The following ENOX2 variants were observed in gnomAD, a reference collection of about 807,000 sequenced individuals.
ENOX2 encodes ecto-NOX disulfide-thiol exchanger 2, also known as APK1 antigen.
A neutral mutation model predicts 45.0 loss-of-function variants in ENOX2; 36 were observed. That is an observed-to-expected ratio of 0.80 (90% CI 0.61 to 1.06). ENOX2 has a LOEUF of 1.06. Ranked by LOEUF, ENOX2 falls within the 50% of genes least tolerant of loss-of-function variation. ENOX2 has a pLI of 0.00. For missense variants in ENOX2, 423 were observed against 462.5 expected, an observed-to-expected ratio of 0.91 and a Z score of 0.78; for synonymous variants, 174 against 152.3, an observed-to-expected ratio of 1.14 and a Z score of -1.05.
chrX:130,892,469 T>G (rs1254836216), intron 2 of ENOX2, among the ~76,000 whole-genome samples: 1 of 112,306 alleles, frequency 8.9e-6, no homozygotes, highest in Non-Finnish European at 1.9e-5. Context: ...GACATCCTGC[T>G]TTCCCCCAAT....
At chrX:130,785,147 G>C (rs977077006) in intron 2 of ENOX2, among the ~76,000 whole-genome samples, 1 of 108,108 alleles carries the variant, frequency 9.3e-6, no homozygotes, top group African/African-American at 3.4e-5. Flanking sequence ...CCAACATGGA[G>C]AAACCCCGTC....
chrX:130,668,669 A>G (rs979443068), intron 7 of ENOX2, among the ~76,000 whole-genome samples: 2 of 111,560 alleles, frequency 1.8e-5, no homozygotes, highest in African/African-American at 6.5e-5. Context: ...CTGGCTAGAA[A>G]CCCTTATGTT....
At chrX:130,759,584 A>AG (rs2039430172) in intron 3 of ENOX2, among the ~76,000 whole-genome samples, 1 of 104,046 alleles carries the variant, frequency 9.6e-6, no homozygotes, top group East Asian at 3.0e-4. Context: ...TACCAAAAAA[A>AG]AAAAAAAAAA....
At chrX:130,740,675 A>G (rs1340121764) in intron 3 of ENOX2, among the ~76,000 whole-genome samples, 1 of 111,914 alleles carries the variant, frequency 8.9e-6, no homozygotes, top group Admixed American at 9.5e-5. Context: ...GAGGTTGCAT[A>G]TCTGTGAGGA....
intron 3 of ENOX2, among the ~76,000 whole-genome samples, chrX:130,711,712 C>A (rs1262915274): frequency 9.0e-6 from 1 of 111,441 alleles, no homozygotes; most frequent in Non-Finnish European, 1.9e-5. Flanking sequence ...CTCAGCATAG[C>A]GGGTGCTTTC....
Position 130,667,688 on chromosome X carries a change from C to T in ENOX2, c.749G>A (p.Gly250Glu). ...ATTGGCGCTACGACGGTTGACCTCT[C>T]CTCGCTCTATCCAGGTAAGCAAGGT... ...VQTLLTWIER[G>E]EVNRRSANNF... The change falls in exon 8 of 15, where the codon GGA becomes GAA. Residue 250 changes from glycine (G) to glutamate (E), a missense_variant. Physicochemically the swap from Gly to Glu is moderately conservative, Grantham distance 98. This residue lies in a region of ENOX2 where 261 missense variants were observed against 306.8 expected (regional missense o/e 0.85). Coordinates refer to ENST00000394363, the MANE Select transcript of ENOX2 (RefSeq NM_006375.4). 8.3e-7 allele frequency: 1 copy of T among 1,211,078 alleles called. No homozygotes were observed. Among genetic ancestry groups the T allele is most frequent in the Non-Finnish European group, 1.1e-6 (1 of 894,766 alleles).
At position 130,834,974 on chromosome X, in the gene ENOX2, A is replaced by G. The variant is rs1187991897; in HGVS notation, c.-182-51284T>C. ...CATAGAGAAACACTAATATAATTCA[A>G]TATAGTTTATAAAACCATCCCTGCC... On this transcript the variant is annotated intron_variant, in intron 2 of 14. Coordinates refer to ENST00000394363, the MANE Select transcript of ENOX2 (RefSeq NM_006375.4). Among the ~76,000 whole-genome samples the G allele has an allele frequency of 2.7e-5, 3 of 111,648 alleles. No individual in the cohort carries two copies. The East Asian group carries it at 8.5e-4, about 31-fold the overall frequency.
At chrX:130,828,278 G>T (rs774605597) in intron 2 of ENOX2, among the ~76,000 whole-genome samples, 1 of 111,684 alleles carries the variant, frequency 9.0e-6, no homozygotes. Flanking sequence ...CACATACAAG[G>T]GGAAATTAGG....
At chrX:130,761,845 G>A (rs1395471470) in intron 3 of ENOX2, among the ~76,000 whole-genome samples, 3 of 111,246 alleles carry the variant, frequency 2.7e-5, no homozygotes, top group African/African-American at 9.8e-5. Flanking sequence ...TCCAACACTG[G>A]GGATTACATT....
At chrX:130,902,154 C>A (rs1313808264) in intron 1 of ENOX2, among the ~76,000 whole-genome samples, 1 of 111,435 alleles carries the variant, frequency 9.0e-6, no homozygotes, top group Admixed American at 9.5e-5. Context: ...TCCACTGACC[C>A]CTCTTAGCGT....
intron 2 of ENOX2, among the ~76,000 whole-genome samples, chrX:130,846,665 T>C (rs370860864): frequency 3.1e-4 from 35 of 112,856 alleles, no homozygotes; most frequent in Admixed American, 1.7e-3. Context: ...TAAGCTAACA[T>C]TGTACATGCA....
At chrX:130,820,933 C>G (rs1272802443) in intron 2 of ENOX2, among the ~76,000 whole-genome samples, 1 of 111,881 alleles carries the variant, frequency 8.9e-6, no homozygotes, top group Admixed American at 9.5e-5. Context: ...TCTTGAAAAT[C>G]ACTAAGAGAG....
intron 3 of ENOX2, among the ~76,000 whole-genome samples, chrX:130,762,612 C>G (rs970733551): frequency 9.0e-6 from 1 of 111,643 alleles, no homozygotes; most frequent in African/African-American, 3.3e-5. Context: ...TTGCTTTGAC[C>G]CATGGTTTAT....
intron 2 of ENOX2, among the ~76,000 whole-genome samples, chrX:130,831,146 C>A (rs1206910877): frequency 3.6e-5 from 4 of 110,813 alleles, no homozygotes; most frequent in Non-Finnish European, 7.6e-5. Context: ...GTGGCACTAA[C>A]TCATTCATGA....
At chrX:130,816,155 C>G (rs1340045052) in intron 2 of ENOX2, among the ~76,000 whole-genome samples, 1 of 111,513 alleles carries the variant, frequency 9.0e-6, no homozygotes, top group South Asian at 3.7e-4. Context: ...CCAACAAAGA[C>G]CAAAAAAGAC....
chrX:130,862,860 G>T (rs774394033), intron 2 of ENOX2, among the ~76,000 whole-genome samples: 16 of 111,651 alleles, frequency 1.4e-4, no homozygotes, highest in African/African-American at 4.9e-4. Flanking sequence ...ATAACTGAGG[G>T]GCACAGGGAA....
At chrX:130,897,399 AG>A (rs2079075015) in intron 2 of ENOX2, among the ~76,000 whole-genome samples, 3 of 112,180 alleles carry the variant, frequency 2.7e-5, no homozygotes, top group Non-Finnish European at 5.6e-5. Flanking sequence ...AAGGACCAGC[AG>A]GGATTGCTGG....
chrX:130,677,965 T>C (rs1023091812), intron 6 of ENOX2, among the ~76,000 whole-genome samples: 4 of 108,820 alleles, frequency 3.7e-5, no homozygotes, highest in African/African-American at 6.7e-5. Flanking sequence ...CAGGCGCCTG[T>C]AATCCCACCT....
chrX:130,889,433 T>C (rs747838582), intron 2 of ENOX2, among the ~76,000 whole-genome samples: 1 of 112,027 alleles, frequency 8.9e-6, no homozygotes, highest in Non-Finnish European at 1.9e-5. Context: ...TTGAACGTCA[T>C]TGCTACTACT....
Sources: allele counts gnomAD v4.1 joint callset (sites outside exome capture counted in the v4.1 genomes callset), GRCh38; gene constraint gnomAD v4.1.1; regional missense constraint gnomAD v4.1.1; transcripts MANE v1.5; gene names NCBI Gene and HGNC (gene_info 2026-07-23, HGNC 2026-07-21).